TSKU: variants seen among roughly 807,000 people sequenced by gnomAD.
The protein encoded by TSKU is tsukushi.
Under a neutral mutation model 11.2 loss-of-function variants are expected in TSKU, and 4 were observed. The ratio of observed to expected loss-of-function variants is 0.36; its 90% confidence interval spans 0.18 to 0.82. The LOEUF is 0.82. TSKU is among the 40% of genes least tolerant of loss of function. The pLI is 0.50. For synonymous variants in TSKU, 220 were observed against 232.2 expected, an observed-to-expected ratio of 0.95 and a Z score of 0.48; for missense variants, 407 against 482.5, an observed-to-expected ratio of 0.84 and a Z score of 1.47.
intron 1 of TSKU, among the ~76,000 whole-genome samples, chr11:76,785,571 TG>T (rs2134384566): frequency 6.6e-6 from 1 of 152,226 alleles, no homozygotes; most frequent in South Asian, 2.1e-4. Context: ...ACAGCACAGG[TG>T]GTCAGCATGG....
At chr11:76,793,608 G>A (rs1318173918) in intron 1 of TSKU, among the ~76,000 whole-genome samples, 2 of 152,188 alleles carry the variant, frequency 1.3e-5, no homozygotes, top group Non-Finnish European at 2.9e-5. Context: ...AGCTTAGCAG[G>A]GGAGGTGGGG....
chr11:76,787,015 C>T (rs1944319270), intron 1 of TSKU, among the ~76,000 whole-genome samples: 1 of 152,192 alleles, frequency 6.6e-6, no homozygotes, highest in African/African-American at 2.4e-5. Context: ...CAGGAACCAA[C>T]ATTCAGTGAA....
intron 1 of TSKU, among the ~76,000 whole-genome samples, chr11:76,790,099 A>G (rs932084384): frequency 2.1e-5 from 3 of 143,220 alleles, no homozygotes; most frequent in African/African-American, 7.8e-5. Context: ...AATTTAGGAT[A>G]TGCTTTTGTT....
In TSKU at chr11:76,794,419, G is replaced by T. The variant is rs577445507; in HGVS notation, c.-8-1190G>T. On this transcript the variant is annotated intron_variant, in intron 1 of 1. Transcript: ENST00000333090. The stretch of plus-strand genomic sequence containing the variant: ...CTGGCTCATGCCACAGCATGTGTCA[G>T]TGGGAAAAGCCCCTCCTGCACCCTG... Among the ~76,000 whole-genome samples the T allele has an allele frequency of 2.0e-5, 3 of 152,344 alleles. No homozygotes were observed. In the South Asian group the frequency reaches 6.2e-4, roughly 32 times the overall value.
chr11:76,786,623 C>G (rs1237088264), intron 1 of TSKU, among the ~76,000 whole-genome samples: 1 of 152,272 alleles, frequency 6.6e-6, no homozygotes, highest in Admixed American at 6.5e-5. Flanking sequence ...GAGGCTGTTG[C>G]AGCAGGTCTC....
At chr11:76,782,865 A>C (rs1944251823), upstream of TSKU, 1 of 152,132 alleles carries the variant, frequency 6.6e-6, no homozygotes. Context: ...CTCTTTAAAA[A>C]AAAATGGGGA....
At chr11:76,793,269 G>A (rs1458102699) in intron 1 of TSKU, among the ~76,000 whole-genome samples, 1 of 152,254 alleles carries the variant, frequency 6.6e-6, no homozygotes, top group African/African-American at 2.4e-5. Context: ...CTGGCTGCTG[G>A]GTGATGACTG....
At chr11:76,787,424 A>G (rs1944323520) in intron 1 of TSKU, among the ~76,000 whole-genome samples, 1 of 152,172 alleles carries the variant, frequency 6.6e-6, no homozygotes, top group South Asian at 2.1e-4. Context: ...CAGGTACTGG[A>G]TGTCAGAATA....
At chr11:76,795,393 A>G (rs1019158030) in intron 1 of TSKU, among the ~76,000 whole-genome samples, 3 of 152,236 alleles carry the variant, frequency 2.0e-5, no homozygotes, top group Non-Finnish European at 4.4e-5. Flanking sequence ...TCTAGTTGAA[A>G]ATTCACCACC....
Position 76,796,353 on chromosome 11 carries a change from C to T in TSKU, c.737C>T (p.Ala246Val), listed in dbSNP as rs201426204. ...AGCCTGCAGAGGCTCCCTGAGCTGG[C>T]GCCCAGTGGCTTCCGTGAGCTACCG... ...LASLQRLPEL[A>V]PSGFRELPGL... is the part of the protein sequence containing the mutation. Residue 246 changes from alanine to valine, a missense_variant, in exon 2 of 2, where the codon GCG becomes GTG. By Grantham distance (64) the Ala-to-Val change is moderately conservative. Transcript: ENST00000333090. This position sits in a 1 kb window ranked among gnomAD's most constrained non-coding sequence, Gnocchi z 4.1. 36 of 1,613,198 alleles carry T rather than the reference C, an allele frequency of 2.2e-5. No individual in the cohort carries two copies. Among genetic ancestry groups the T allele is most frequent in the East Asian group, 1.6e-4 (7 of 44,882 alleles).
chr11:76,791,750 G>A (rs1200135736), intron 1 of TSKU: 1 of 152,222 alleles, frequency 6.6e-6, no homozygotes, highest in African/African-American at 2.4e-5. Context: ...TTGAGCCTGT[G>A]GGTACACAGA....
chr11:76,786,941 C>T (rs1944318417), intron 1 of TSKU, among the ~76,000 whole-genome samples: 1 of 152,186 alleles, frequency 6.6e-6, no homozygotes, highest in Non-Finnish European at 1.5e-5. Context: ...CCTGCCTTCC[C>T]TCAGGATTTG....
rs146047961 is a variant in TSKU at position 76,788,744 on chromosome 11, C to T, written c.-9+5340C>T. 1.5e-4 allele frequency among the ~76,000 whole-genome samples: 23 copies of T among 152,310 alleles called. No individual in the cohort carries two copies. In the East Asian group the frequency reaches 4.1e-3, roughly 27 times the overall value. ...AGGTTCACACCTGGTCTGGGTCTTG[C>T]GGTTGACCCGTTCATCCTGCTCTTC... On this transcript the variant is annotated intron_variant, in intron 1 of 1. Coordinates refer to ENST00000333090, the MANE Select transcript of TSKU (RefSeq NM_015516.4).
In TSKU at chr11:76,795,669, G is replaced by C; in HGVS notation, c.53G>C (p.Arg18Pro). ...GCCGTGAGTGGGGCCCAGACAACCC[G>C]GCCATGCTTCCCCGGGTGCCAATGC... Reference protein sequence around the residue: ...LLAVSGAQTTRPCFPGCQCEV... With the variant: ...LLAVSGAQTTPPCFPGCQCEV... The change falls in exon 2 of 2, where the codon CGG (arginine) becomes CCG (proline). Residue 18 changes from arginine to proline, a missense_variant. Transcript: ENST00000333090. 1.2e-6 allele frequency: 2 copies of C among 1,613,866 alleles called. No individual in the cohort carries two copies. The highest frequency in any genetic ancestry group is 1.7e-6 in the Non-Finnish European group (2 of 1,180,032).
At chr11:76,794,784 G>A (rs1944419673) in intron 1 of TSKU, among the ~76,000 whole-genome samples, 1 of 152,222 alleles carries the variant, frequency 6.6e-6, no homozygotes, top group Non-Finnish European at 1.5e-5. Flanking sequence ...GAGAAGGGAA[G>A]TTCCTGCCCC....
intron 1 of TSKU, among the ~76,000 whole-genome samples, chr11:76,789,238 A>G (rs1331971736): frequency 6.6e-6 from 1 of 152,228 alleles, no homozygotes; most frequent in African/African-American, 2.4e-5. Flanking sequence ...GGCTGTTCCC[A>G]CTTTGGCTGT....
chr11:76,784,746 T>TGGG (rs774195231), intron 1 of TSKU, among the ~76,000 whole-genome samples: 4 of 41,810 alleles, frequency 9.6e-5, no homozygotes, highest in African/African-American at 1.5e-4. Flanking sequence ...TGACCGGAGG[T>TGGG]GGGGGGGGGG....
At chr11:76,786,236 G>C (rs946623467) in intron 1 of TSKU, among the ~76,000 whole-genome samples, 1 of 152,240 alleles carries the variant, frequency 6.6e-6, no homozygotes, top group Non-Finnish European at 1.5e-5. Context: ...AGGCAAGGAG[G>C]TAGACACAGA....
chr11:76,784,189 C>T (rs1944280581), intron 1 of TSKU: 1 of 152,734 alleles, frequency 6.5e-6, no homozygotes, highest in Non-Finnish European at 1.5e-5. Flanking sequence ...GGGTCCCAGG[C>T]TCCGGCCCTG....
Sources: allele counts gnomAD v4.1 joint callset (sites outside exome capture counted in the v4.1 genomes callset), GRCh38; gene constraint gnomAD v4.1.1; non-coding constraint Gnocchi (gnomAD v3.1); transcripts MANE v1.5; gene names NCBI Gene and HGNC (gene_info 2026-07-23, HGNC 2026-07-21).